NSMAF: variants seen among roughly 807,000 people sequenced by gnomAD.
The protein encoded by NSMAF is protein FAN.
Under a neutral mutation model 134.9 loss-of-function variants are expected in NSMAF, and 90 were observed. That is an observed-to-expected ratio of 0.67 (90% CI 0.56 to 0.79). The LOEUF (loss-of-function observed/expected upper bound fraction) is 0.79. NSMAF is among the 30% of genes least tolerant of loss of function. NSMAF has a pLI of 0.00. For missense variants in NSMAF, 1,010 were observed against 1,119.0 expected (o/e 0.90, Z 1.39); for synonymous variants, 358 against 389.6 (o/e 0.92, Z 0.96).
intron 1 of NSMAF, 188 bp downstream of exon 1, chr8:58,659,357 TCCCCGGCAGGCTCCGGCCCAGACCAGGC>T: frequency 1.3e-6 from 2 of 1,525,674 alleles, no homozygotes; most frequent in Admixed American, 2.0e-5. Flanking sequence ...CCAGTTCCTG[TCCCCGGCAGGCTCCGGCCCAGACCAGGC>T]CCCCGGCCTC....
chr8:58,614,479 C>T (rs2634534), intron 9 of NSMAF, among the ~76,000 whole-genome samples: 71,824 of 152,010 alleles, frequency 0.47, 18,362 homozygotes, highest in Admixed American at 0.61. Context: ...ATAGGATAAG[C>T]CTGTGCCTAG....
At chr8:58,622,712 T>G (rs1221131263) in intron 9 of NSMAF, among the ~76,000 whole-genome samples, 1 of 152,008 alleles carries the variant, frequency 6.6e-6, no homozygotes. Context: ...AATTTTTAAT[T>G]TTGCAGAGAC....
At chr8:58,653,876 T>C (rs1400132843) in intron 1 of NSMAF, among the ~76,000 whole-genome samples, 7 of 152,214 alleles carry the variant, frequency 4.6e-5, no homozygotes, top group African/African-American at 1.7e-4. Flanking sequence ...GATAGATTCC[T>C]GTGACTTCTC....
intron 23 of NSMAF, 88 bp from the exon 24 acceptor site, chr8:58,591,022 G>A (rs528280113): frequency 1.4e-6 from 2 of 1,426,076 alleles, no homozygotes; most frequent in African/African-American, 2.9e-5. Flanking sequence ...TGTTCCTGGT[G>A]GCCAACAGTA....
intron 14 of NSMAF, 146 bp downstream of exon 14, chr8:58,601,912 C>A (rs1164447621): frequency 4.8e-6 from 3 of 623,998 alleles, no homozygotes; most frequent in Non-Finnish European, 8.2e-6. Flanking sequence ...AGCTAATTCA[C>A]GGTCAGGAGA....
At position 58,609,706 on chromosome 8, in the gene NSMAF, G is replaced by T. The variant is rs1368450671; in HGVS notation, c.585C>A (p.His195Gln). The T allele has an allele frequency of 1.2e-6, 2 of 1,614,132 alleles. No individual in the cohort carries two copies. Among genetic ancestry groups the T allele is most frequent in the Admixed American group, 1.7e-5 (1 of 60,022 alleles). The change falls in exon 10 of 31, where the codon CAC (histidine) becomes CAA (glutamine). Residue 195 changes from histidine (H) to glutamine (Q), a missense_variant. Transcript: ENST00000038176. ...TCACCATTTCTGCTTTGCATTCCAT[G>T]TGCAGCTTTTCAGAAATGTTTTGGA... ...NRFQNISEKL[H>Q]MECKAEMVTP... is the part of the protein sequence containing the mutation.
chr8:58,603,597 C>A (rs2634530), intron 12 of NSMAF, among the ~76,000 whole-genome samples: 72,587 of 152,030 alleles, frequency 0.48, 18,551 homozygotes, highest in Admixed American at 0.61. Context: ...ATTAAATACA[C>A]TGAGCTATTA....
intron 1 of NSMAF, among the ~76,000 whole-genome samples, chr8:58,658,501 C>G (rs1179221257): frequency 6.6e-6 from 1 of 152,198 alleles, no homozygotes; most frequent in Non-Finnish European, 1.5e-5. Flanking sequence ...GGGGTCGAGT[C>G]AACCCTTATA....
At chr8:58,641,559 A>C (rs900226136) in intron 2 of NSMAF, among the ~76,000 whole-genome samples, 2 of 152,210 alleles carry the variant, frequency 1.3e-5, no homozygotes, top group African/African-American at 4.8e-5. Context: ...ACATGTAGAG[A>C]TCACTTCATA....
At chr8:58,635,632 T>C in intron 2 of NSMAF, 86 bp from the exon 3 acceptor site, 1 of 776,774 alleles carries the variant, frequency 1.3e-6, no homozygotes, top group South Asian at 1.8e-5. Context: ...GAAAGCAGGT[T>C]ACTAAAGCAT....
Position 58,597,565 on chromosome 8 carries a change from A to T in NSMAF, c.1629-15T>A, listed in dbSNP as rs1165218865. 6.2e-7 allele frequency: 1 copy of T among 1,613,306 alleles called. No individual in the cohort carries two copies. Among genetic ancestry groups the T allele is most frequent in the South Asian group, 1.1e-5 (1 of 91,014 alleles). Reference sequence around the variant, plus strand: ...GATCCTGGATGCTTTGGGACAGAACACAAATAATGCAGTGAACCACTAGGT... The same window carrying T: ...GATCCTGGATGCTTTGGGACAGAACTCAAATAATGCAGTGAACCACTAGGT... On this transcript the variant is annotated splice_polypyrimidine_tract_variant and intron_variant, in intron 20 of 30. Coordinates refer to ENST00000038176, the MANE Select transcript of NSMAF (RefSeq NM_003580.4).
At chr8:58,593,883 T>C (rs1379348527) in intron 23 of NSMAF, among the ~76,000 whole-genome samples, 1 of 152,168 alleles carries the variant, frequency 6.6e-6, no homozygotes, top group African/African-American at 2.4e-5. Context: ...CAGGCACACA[T>C]CAATTTCTGA....
In NSMAF at chr8:58,599,790, T is replaced by C; in HGVS notation, c.1413A>G (p.Gly471=). The change falls in exon 18 of 31, where the codon GGA becomes GGG. Residue 471 remains glycine (G), a synonymous_variant. Transcript: ENST00000038176. ...LKLDLGKRQG[G]QMVDDVELPP... Reference sequence around the variant, plus strand: ...GAAGCTCCACGTCGTCAACCATCTGTCCTCCTTGTCTCTTTCCCAAATCCA... The same window carrying C: ...GAAGCTCCACGTCGTCAACCATCTGCCCTCCTTGTCTCTTTCCCAAATCCA... 6.2e-7 allele frequency: 1 copy of C among 1,614,114 alleles called. No individual in the cohort carries two copies. The highest frequency in any genetic ancestry group is 8.5e-7 in the Non-Finnish European group (1 of 1,179,966).
intron 12 of NSMAF, 91 bp downstream of exon 12, chr8:58,605,836 C>T (rs1366206073): frequency 4.2e-5 from 56 of 1,322,002 alleles, no homozygotes; most frequent in Non-Finnish European, 5.0e-5. Flanking sequence ...GCCGAGATCA[C>T]GCCACTGCAC....
At position 58,599,573 on chromosome 8, in the gene NSMAF, A is replaced by G. The variant is rs1007770262; in HGVS notation, c.1453+177T>C. The G allele has an allele frequency of 5.1e-5, 45 of 881,102 alleles. 1 individual carries two copies. In the South Asian group the frequency reaches 8.3e-4, roughly 16 times the overall value. The allele number at this position is 881,102 out of a possible 1,614,324, so 54.6% of individuals were successfully genotyped here. ...TCACATTAAGGTCTCTCAAATATAT[A>G]TTAATGTTTTTACATCACAGACTCA... On this transcript the variant is annotated intron_variant, in intron 18 of 30. Coordinates refer to ENST00000038176, the MANE Select transcript of NSMAF (RefSeq NM_003580.4).
At chr8:58,659,500 A>C in intron 1 of NSMAF, 73 bp downstream of exon 1, 2 of 1,501,646 alleles carry the variant, frequency 1.3e-6, no homozygotes, top group Non-Finnish European at 1.8e-6. Context: ...CGTCCCTCAG[A>C]TCTCCGGCCG....
intron 1 of NSMAF, chr8:58,659,080 TC>T: frequency 8.8e-6 from 7 of 793,898 alleles, no homozygotes; most frequent in Non-Finnish European, 9.0e-6. Context: ...GAGTGGGTGG[TC>T]GCCGGCCTGC....
intron 6 of NSMAF, among the ~76,000 whole-genome samples, chr8:58,625,866 T>C (rs1205182356): frequency 6.6e-6 from 1 of 152,178 alleles, no homozygotes; most frequent in East Asian, 1.9e-4. Context: ...TATCTTCCTT[T>C]GTGTTGACAT....
chr8:58,590,023 A>G lies in NSMAF; in HGVS notation c.2071T>C (p.Ser691Pro). The G allele has an allele frequency of 6.2e-7, 1 of 1,613,876 alleles. No individual in the cohort carries two copies. Among genetic ancestry groups the G allele is most frequent in the Non-Finnish European group, 8.5e-7 (1 of 1,179,718 alleles). Reference protein sequence around the residue: ...LPGDATVITSSWDNNVYFYSI... With the variant: ...LPGDATVITSPWDNNVYFYSI... Reference sequence around the variant, plus strand: ...GATACATACACATTATTATCCCATGAAGAAGTTATGACAGTGGCATCTCCT... The same window carrying G: ...GATACATACACATTATTATCCCATGGAGAAGTTATGACAGTGGCATCTCCT... Residue 691 changes from serine to proline, a missense_variant, in exon 25 of 31, where the codon TCA becomes CCA. By Grantham distance (74) the Ser-to-Pro change is moderately conservative. Coordinates refer to ENST00000038176, the MANE Select transcript of NSMAF (RefSeq NM_003580.4).
Sources: allele counts gnomAD v4.1 joint callset (sites outside exome capture counted in the v4.1 genomes callset), GRCh38; gene constraint gnomAD v4.1.1; transcripts MANE v1.5; gene names NCBI Gene and HGNC (gene_info 2026-07-23, HGNC 2026-07-21).